The following SAMD5 variants were observed in gnomAD, a reference collection of about 807,000 sequenced individuals.
SAMD5 encodes sterile alpha motif domain containing 5, also known as sterile alpha motif domain-containing protein 5.
Under a neutral mutation model 11.3 loss-of-function variants are expected in SAMD5, and 13 were observed. That is an observed-to-expected ratio of 1.15 (90% CI 0.75 to 1.83). The LOEUF (loss-of-function observed/expected upper bound fraction) is 1.83, where lower values mean the gene tolerates loss of function less well. SAMD5 is among the 40% of genes most tolerant of loss of function. The probability of loss-of-function intolerance (pLI) is 0.00; values close to 1 mark genes in which losing one functional copy is unlikely to be tolerated. For missense variants in SAMD5, 255 were observed against 239.1 expected (o/e 1.07, Z -0.44); for synonymous variants, 129 against 111.3 (o/e 1.16, Z -1.00).
intron 1 of SAMD5, among the ~76,000 whole-genome samples, chr6:147,617,603 T>A (rs1438055287): frequency 6.6e-6 from 1 of 152,210 alleles, no homozygotes; most frequent in East Asian, 1.9e-4. Context: ...CTAATTGAAA[T>A]TGCTCTGGCA....
the SAMD5 span, among the ~76,000 whole-genome samples, chr6:147,926,181 A>T: frequency 6.6e-6 from 1 of 152,156 alleles, no homozygotes; most frequent in African/African-American, 2.4e-5. Flanking sequence ...ACAATGATTT[A>T]TATGCCTCTG....
At chr6:147,656,705 A>G (rs1790573084) in intron 1 of SAMD5, among the ~76,000 whole-genome samples, 1 of 152,178 alleles carries the variant, frequency 6.6e-6, no homozygotes, top group Admixed American at 6.5e-5. Context: ...TAGAAGTTTG[A>G]CGATACATTC....
chr6:147,525,725 A>G (rs1788327695), intron 1 of SAMD5, among the ~76,000 whole-genome samples: 1 of 152,130 alleles, frequency 6.6e-6, no homozygotes, highest in African/African-American at 2.4e-5. Context: ...AGTCTGATGA[A>G]GAGAGAAGCC....
chr6:147,620,152 G>A (rs533379748), intron 1 of SAMD5, among the ~76,000 whole-genome samples: 16 of 152,260 alleles, frequency 1.1e-4, no homozygotes, highest in South Asian at 4.1e-4. Flanking sequence ...AGCCCCGTGC[G>A]TTCCATCCTT....
intron 1 of SAMD5, among the ~76,000 whole-genome samples, chr6:147,580,136 A>G (rs1036451483): frequency 6.6e-6 from 1 of 152,192 alleles, no homozygotes; most frequent in Non-Finnish European, 1.5e-5. Context: ...GCAGATTGTT[A>G]GTGCACTCAA....
At chr6:147,510,709 C>T (rs1475683853) in intron 1 of SAMD5, among the ~76,000 whole-genome samples, 8 of 152,166 alleles carry the variant, frequency 5.3e-5, no homozygotes, top group African/African-American at 1.4e-4. Context: ...CTACCTTGCA[C>T]GTACCATAGG....
chr6:147,774,402 T>C, the SAMD5 span, among the ~76,000 whole-genome samples: 1 of 152,160 alleles, frequency 6.6e-6, no homozygotes, highest in South Asian at 2.1e-4. Context: ...GTTCCAAGCG[T>C]CCCCTTGGGT....
At chr6:147,756,165 G>C in the SAMD5 span, among the ~76,000 whole-genome samples, 2 of 152,078 alleles carry the variant, frequency 1.3e-5, no homozygotes, top group Non-Finnish European at 2.9e-5. Context: ...CAGTCAAAGA[G>C]TTGCTGTAAT....
At chr6:147,518,068 A>G (rs180827526) in intron 1 of SAMD5, among the ~76,000 whole-genome samples, 94 of 152,304 alleles carry the variant, frequency 6.2e-4, no homozygotes, top group Admixed American at 2.4e-3. Context: ...GGCACCTGTC[A>G]TGGTCTCTCC....
intron 1 of SAMD5, among the ~76,000 whole-genome samples, chr6:147,590,506 G>A (rs374502760): frequency 1.6e-4 from 25 of 152,160 alleles, no homozygotes; most frequent in East Asian, 3.9e-4. Flanking sequence ...TCCGTCTCCC[G>A]GGCTCAAGCA....
chr6:147,579,351 T>G (rs1789262290), intron 1 of SAMD5, among the ~76,000 whole-genome samples: 2 of 151,852 alleles, frequency 1.3e-5, no homozygotes, highest in Non-Finnish European at 2.9e-5. Context: ...GAGTGCAAGG[T>G]GTTTTGTGGA....
intron 1 of SAMD5, among the ~76,000 whole-genome samples, chr6:147,525,176 G>A (rs1364888209): frequency 6.6e-6 from 1 of 151,028 alleles, no homozygotes; most frequent in East Asian, 1.9e-4. Context: ...AGACTTAGCC[G>A]CCTGTGCCCT....
chr6:147,689,789 A>C (rs1285361821), intron 1 of SAMD5, among the ~76,000 whole-genome samples: 2 of 152,198 alleles, frequency 1.3e-5, no homozygotes, highest in Non-Finnish European at 2.9e-5. Context: ...CTTTGTTGAA[A>C]TTTAACTGGG....
rs1789015841 is a variant in SAMD5 at position 147,565,157 on chromosome 6, G to T, written c.*701G>T. 6 of 985,662 alleles carry T rather than the reference G, an allele frequency of 6.1e-6. No homozygotes were observed. Among genetic ancestry groups the T allele is most frequent in the Non-Finnish European group, 7.2e-6 (6 of 829,882 alleles). 61.1% of individuals were successfully genotyped at this position (985,662 alleles called of 1,614,324 possible). Reference sequence around the variant, plus strand: ...GTATTAGGACTAATACAAGTGTCTTGCTCTGACATGCATCAAGCAAGAGCT... The same window carrying T: ...GTATTAGGACTAATACAAGTGTCTTTCTCTGACATGCATCAAGCAAGAGCT... On this transcript the variant is annotated 3_prime_UTR_variant, in exon 2 of 2. Coordinates refer to ENST00000367474, the MANE Select transcript of SAMD5 (RefSeq NM_001030060.3).
At chr6:147,689,459 T>A (rs1301917186) in intron 1 of SAMD5, among the ~76,000 whole-genome samples, 2 of 152,334 alleles carry the variant, frequency 1.3e-5, no homozygotes, top group East Asian at 3.9e-4. Context: ...TGAGAATATC[T>A]TACTTTGCTA....
At chr6:147,718,752 A>G (rs1272923925) in intron 1 of SAMD5, among the ~76,000 whole-genome samples, 1 of 151,952 alleles carries the variant, frequency 6.6e-6, no homozygotes, top group Non-Finnish European at 1.5e-5. Context: ...GTACAGTGGC[A>G]CAATCTTGGC....
At chr6:147,852,921 C>T in the SAMD5 span, among the ~76,000 whole-genome samples, 1 of 152,172 alleles carries the variant, frequency 6.6e-6, no homozygotes, top group South Asian at 2.1e-4. Context: ...GTGCCATACA[C>T]AACTTTTACA....
the SAMD5 span, among the ~76,000 whole-genome samples, chr6:147,918,089 T>G: frequency 3.5e-4 from 54 of 152,194 alleles, no homozygotes; most frequent in Non-Finnish European, 1.2e-4. Context: ...TTTCCAATTC[T>G]TTGAAGAAAG....
Position 147,568,744 on chromosome 6 carries a change from A to T in SAMD5, c.*4288A>T. On this transcript the variant is annotated 3_prime_UTR_variant, in exon 2 of 2. Transcript: ENST00000367474. ...ACTCTTATTAGCTCCCTCAGTTGTC[A>T]TCAATTACATATTCCTACATCAGAT... The T allele has an allele frequency of 1.0e-6, 1 of 978,562 alleles. No individual in the cohort carries two copies. The highest frequency in any genetic ancestry group is 1.2e-6 in the Non-Finnish European group (1 of 823,718). The allele number at this position is 978,562 out of a possible 1,614,324, so 60.6% of individuals were successfully genotyped here. A position where few individuals can be genotyped will look rare whatever the true frequency, so the allele number is the denominator to read the frequency against.
Sources: gnomAD v4.1 joint callset for allele counts (sites outside exome capture counted in the v4.1 genomes callset) on GRCh38, gnomAD v4.1.1 for gene constraint, MANE v1.5 for transcripts, NCBI Gene and HGNC (gene_info 2026-07-23, HGNC 2026-07-21) for gene names.